Variants in B4GALNT3 observed in about 807,000 individuals in gnomAD.
The protein encoded by B4GALNT3 is beta-1,4-N-acetyl-galactosaminyltransferase 3, also known as beta-1,4-N-acetylgalactosaminyltransferase 3.
A neutral mutation model predicts 120.2 loss-of-function variants in B4GALNT3; 86 were observed. The observed-to-expected ratio is 0.72, with a 90% CI of 0.60 to 0.86. The LOEUF (loss-of-function observed/expected upper bound fraction) is 0.86, where lower values mean the gene tolerates loss of function less well. Ranked by LOEUF, B4GALNT3 falls within the 40% of genes least tolerant of loss-of-function variation. The pLI, the probability that B4GALNT3 is intolerant of heterozygous loss-of-function variation, is 0.00. For synonymous variants in B4GALNT3, 518 were observed against 510.4 expected (o/e 1.01, Z -0.20); for missense variants, 1,167 against 1,298.9 (o/e 0.90, Z 1.56).
intron 1 of B4GALNT3, among the ~76,000 whole-genome samples, chr12:489,476 G>A (rs139665337): frequency 5.3e-5 from 8 of 152,092 alleles, no homozygotes; most frequent in East Asian, 1.9e-4. Flanking sequence ...GTGAATGGTC[G>A]AAATAAACCA....
intron 1 of B4GALNT3, among the ~76,000 whole-genome samples, chr12:489,650 T>A (rs1186200445): frequency 6.6e-6 from 1 of 152,202 alleles, no homozygotes. Flanking sequence ...GAAGAATAGA[T>A]GAATCCACTG....
In B4GALNT3 at chr12:561,517, C is replaced by T. The variant is rs1004655927; in HGVS notation, c.*66C>T. 7 of 1,316,650 alleles carry T rather than the reference C, an allele frequency of 5.3e-6. No individual in the cohort carries two copies. Among genetic ancestry groups the T allele is most frequent in the Non-Finnish European group, 7.5e-6 (7 of 939,342 alleles). 81.6% of individuals were successfully genotyped at this position (1,316,650 alleles called of 1,614,324 possible). ...CTAGCAGTGGCTCCCCAGGGCCCTG[C>T]TACTGTTCAGGGATGGGGAGTGGGG... On this transcript the variant is annotated 3_prime_UTR_variant, in exon 20 of 20. Transcript: ENST00000266383.
chr12:507,669 C>CT (rs1946511124), intron 1 of B4GALNT3, among the ~76,000 whole-genome samples: 1 of 152,230 alleles, frequency 6.6e-6, no homozygotes. Flanking sequence ...GGTGGAAGCA[C>CT]TTTCTCACAA....
rs937583254 is a variant in B4GALNT3, at chr12:510,972, G to A, written c.170-24194G>A. Among the ~76,000 whole-genome samples, 9 of 139,898 alleles carry A rather than the reference G, an allele frequency of 6.4e-5. No individual in the cohort carries two copies. In the East Asian group the frequency reaches 2.0e-3, roughly 31 times the overall value. 91.8% of individuals were successfully genotyped at this position (139,898 alleles called of 152,430 possible). A position where few individuals can be genotyped will look rare whatever the true frequency, so the allele number is the denominator to read the frequency against. ...CCAATTCTCCCCACCTCCAGCACTG[G>A]AACCACGACTCTCCTTTTGGTCTCT... On this transcript the variant is annotated intron_variant, in intron 1 of 19. Coordinates refer to ENST00000266383, the MANE Select transcript of B4GALNT3 (RefSeq NM_173593.4).
chr12:536,162 C>T, intron 2 of B4GALNT3, 56 bp from the exon 3 acceptor site: 1 of 1,478,340 alleles, frequency 6.8e-7, no homozygotes, highest in Non-Finnish European at 9.5e-7. Context: ...TCCTGTCCTG[C>T]CCGTAGCTTC....
chr12:464,562 G>A (rs776928403), intron 1 of B4GALNT3, among the ~76,000 whole-genome samples: 12 of 152,110 alleles, frequency 7.9e-5, no homozygotes, highest in African/African-American at 2.4e-4. Context: ...AACTCAGGAG[G>A]CAGAGGTTGC....
At chr12:462,146 A>G (rs528408736) in intron 1 of B4GALNT3, among the ~76,000 whole-genome samples, 8 of 151,712 alleles carry the variant, frequency 5.3e-5, no homozygotes, top group Non-Finnish European at 1.2e-4. Context: ...GAGTGAATCT[A>G]TTCTCCCCCG....
chr12:509,829 A>G (rs2120567437), intron 1 of B4GALNT3, among the ~76,000 whole-genome samples: 1 of 152,334 alleles, frequency 6.6e-6, no homozygotes, highest in South Asian at 2.1e-4. Context: ...TGCCATGCTC[A>G]GCAAGGCAGA....
rs567257105 is a variant in B4GALNT3 at position 519,430 on chromosome 12, C to T, written c.170-15736C>T. On this transcript the variant is annotated intron_variant, in intron 1 of 19. Coordinates refer to ENST00000266383, the MANE Select transcript of B4GALNT3 (RefSeq NM_173593.4). The stretch of plus-strand genomic sequence containing the variant: ...CCAACTAGGAGAATGTTCCAGAAAC[C>T]ATTTAAGCATCATGCAGGTAAAATG... 3.9e-5 allele frequency among the ~76,000 whole-genome samples: 6 copies of T among 152,232 alleles called. No individual in the cohort carries two copies. The South Asian group carries it at 1.2e-3, about 32-fold the overall frequency.
chr12:546,501 C>G (rs1947010125), intron 6 of B4GALNT3, 145 bp from the exon 7 acceptor site: 3 of 764,050 alleles, frequency 3.9e-6, no homozygotes, highest in East Asian at 2.7e-5. Flanking sequence ...TCTGTTTTCT[C>G]TCCTACCTCT....
Position 553,297 on chromosome 12 carries a change from A to T in B4GALNT3, c.1374A>T (p.Thr458=). Residue 458 remains threonine, a synonymous_variant, in exon 14 of 20, where the codon ACA becomes ACT. Transcript: ENST00000266383. The stretch of plus-strand genomic sequence containing the variant: ...CCAGGATGCTTGAGGGAAGACAGAC[A>T]CCTGCCTCCACCCTGGAGCAAGATG... ...QNARMLEGRQ[T]PASTLEQDAT... 6.2e-7 allele frequency: 1 copy of T among 1,613,470 alleles called. No homozygotes were observed. Among genetic ancestry groups the T allele is most frequent in the Non-Finnish European group, 8.5e-7 (1 of 1,180,022 alleles).
At chr12:480,210 C>T (rs765931101) in intron 1 of B4GALNT3, among the ~76,000 whole-genome samples, 23 of 149,792 alleles carry the variant, frequency 1.5e-4, no homozygotes, top group African/African-American at 4.2e-4. Flanking sequence ...CCACCGCGCC[C>T]GGCCAGGATG....
chr12:472,218 G>GAGGGCCAGGTTGCTGAGTTTGGACTTGGT (rs1182573575), intron 1 of B4GALNT3, among the ~76,000 whole-genome samples: 4 of 152,230 alleles, frequency 2.6e-5, no homozygotes, highest in Non-Finnish European at 4.4e-5. Flanking sequence ...GGACTCTCCT[G>GAGGGCCAGGTTGCTGAGTTTGGACTTGGT]AGGGCCAGGT....
chr12:545,685 C>T lies in B4GALNT3; in HGVS notation c.639+216C>T, dbSNP rs71435012. Among the ~76,000 whole-genome samples the T allele has an allele frequency of 0.45, 43,337 of 97,162 alleles. 8,657 individuals are homozygous for T. The highest frequency in any genetic ancestry group is 0.55 in the Middle Eastern group (105 of 190). 63.7% of individuals were successfully genotyped at this position (97,162 alleles called of 152,430 possible). On this transcript the variant is annotated intron_variant, in intron 6 of 19. Transcript: ENST00000266383. ...GGGAGGAGCGAGGTGTGGGGAGGAG[C>T]GAGGTGTGGGGAGGAGTGAGGAATG...
chr12:529,436 G>A (rs987977979), intron 1 of B4GALNT3, among the ~76,000 whole-genome samples: 2 of 152,202 alleles, frequency 1.3e-5, no homozygotes, highest in Admixed American at 6.5e-5. Flanking sequence ...GGCGGGCAAC[G>A]TTCGTTTCCA....
At chr12:539,534 T>TAAA (rs561171166) in intron 3 of B4GALNT3, among the ~76,000 whole-genome samples, 4 of 136,738 alleles carry the variant, frequency 2.9e-5, no homozygotes, top group Middle Eastern at 3.7e-3. Context: ...GCCTTTCCTT[T>TAAA]AAAAAAAAAA....
chr12:470,936 T>C (rs7973705), intron 1 of B4GALNT3, among the ~76,000 whole-genome samples: 1 of 151,768 alleles, frequency 6.6e-6, no homozygotes, highest in South Asian at 2.1e-4. Flanking sequence ...GCCATGTTGG[T>C]CAGGCTGGTC....
At chr12:507,688 G>A (rs914486829) in intron 1 of B4GALNT3, among the ~76,000 whole-genome samples, 1 of 152,196 alleles carries the variant, frequency 6.6e-6, no homozygotes, top group Non-Finnish European at 1.5e-5. Context: ...AAAAGGGTAG[G>A]GCTTATTCTA....
At position 549,762 on chromosome 12, in the gene B4GALNT3, C is replaced by T. The variant is rs559564456; in HGVS notation, c.854-7C>T. 23 of 1,613,724 alleles carry T rather than the reference C, an allele frequency of 1.4e-5. No individual in the cohort carries two copies. Among genetic ancestry groups the T allele is most frequent in the African/African-American group, 4.0e-5 (3 of 75,060 alleles). ...AGCCTCCTGCTTTCTTTCCTCCCTG[C>T]GCCCAGATGAGACGTTCCTACAGAT... On this transcript the variant is annotated splice_polypyrimidine_tract_variant and splice_region_variant and intron_variant, in intron 9 of 19. Coordinates refer to ENST00000266383, the MANE Select transcript of B4GALNT3 (RefSeq NM_173593.4).
Sources: allele counts gnomAD v4.1 joint callset (sites outside exome capture counted in the v4.1 genomes callset), GRCh38; gene constraint gnomAD v4.1.1; transcripts MANE v1.5; gene names NCBI Gene and HGNC (gene_info 2026-07-23, HGNC 2026-07-21).